Variants in COX11 observed in about 807,000 individuals in gnomAD.
COX11 encodes cytochrome c oxidase copper chaperone COX11.
Under a neutral mutation model 29.4 loss-of-function variants are expected in COX11, and 18 were observed. The observed-to-expected ratio is 0.61, with a 90% confidence interval of 0.42 to 0.91. The LOEUF (loss-of-function observed/expected upper bound fraction) is 0.91, where lower values mean the gene tolerates loss of function less well. Among genes scored for constraint, COX11 ranks in the 40% least tolerant of loss-of-function variants. COX11 has a pLI of 0.00. For synonymous variants in COX11, 131 were observed against 124.0 expected (o/e 1.06, Z -0.38); for missense variants, 312 against 346.0 (o/e 0.90, Z 0.78).
chr17:54,961,523 A>G lies in COX11; in HGVS notation c.*1210T>C, dbSNP rs1383249880. Reference sequence around the variant, plus strand: ...GGCCAACCAATTTAACTGCAGTGTCATGTTTCACAGGCCTTCCTACATTTA... The same window carrying G: ...GGCCAACCAATTTAACTGCAGTGTCGTGTTTCACAGGCCTTCCTACATTTA... On this transcript the variant is annotated 3_prime_UTR_variant, in exon 4 of 4. Transcript: ENST00000299335. 1 of 1,401,830 alleles carries G rather than the reference A, an allele frequency of 7.1e-7. No homozygotes were observed. Among genetic ancestry groups the G allele is most frequent in the Non-Finnish European group, 9.2e-7 (1 of 1,081,496 alleles). 86.8% of individuals were successfully genotyped at this position (1,401,830 alleles called of 1,614,324 possible). A position where few individuals can be genotyped will look rare whatever the true frequency, so the allele number is the denominator to read the frequency against.
chr17:54,964,395 G>A (rs976511331), intron 2 of COX11: 7 of 303,534 alleles, frequency 2.3e-5, no homozygotes, highest in East Asian at 9.5e-5. Flanking sequence ...ATAGCCTGAC[G>A]GTTACTGCTA....
At chr17:54,958,748 A>AAAAAAAAAAAAAAAG (rs372776781), downstream of COX11, among the ~76,000 whole-genome samples, 11 of 118,952 alleles carry the variant, frequency 9.2e-5, no homozygotes, top group Non-Finnish European at 1.0e-4. Flanking sequence ...AAAAAAAAAA[A>AAAAAAAAAAAAAAAG]GGGGTTGTTG....
intron 1 of COX11, among the ~76,000 whole-genome samples, chr17:54,967,941 T>C (rs1369016239): frequency 6.7e-6 from 1 of 149,956 alleles, no homozygotes; most frequent in African/African-American, 2.4e-5. Context: ...TTTAAAAGCG[T>C]GTGTGCGCAG....
chr17:54,964,306 A>G (rs2077182379), intron 2 of COX11, among the ~76,000 whole-genome samples: 1 of 152,210 alleles, frequency 6.6e-6, no homozygotes, highest in Admixed American at 6.5e-5. Flanking sequence ...GATATAAACC[A>G]GTAAACTACT....
Position 54,968,454 on chromosome 17 carries a change from G to A in COX11, c.193C>T (p.His65Tyr). The A allele has an allele frequency of 1.9e-6, 3 of 1,613,510 alleles. No homozygotes were observed. Among genetic ancestry groups the A allele is most frequent in the Non-Finnish European group, 2.5e-6 (3 of 1,180,014 alleles). The change falls in exon 1 of 4, where the codon CAT becomes TAT. Residue 65 changes from histidine to tyrosine, a missense_variant. Around this residue, in one of 2 missense-constraint regions of COX11, gnomAD observed 130 missense variants for 106.0 expected, o/e 1.23. Coordinates refer to ENST00000299335, the MANE Select transcript of COX11 (RefSeq NM_004375.5). ...TWKRCSLRARHPALQPPRRPK... is the reference protein window; with the variant it reads ...TWKRCSLRARYPALQPPRRPK... ...CGCCGCGGCGGCTGCAATGCTGGATGCCGGGCTCGAAGGCTGCAGCGCTTC... is the reference window on the plus strand; with the variant it reads ...CGCCGCGGCGGCTGCAATGCTGGATACCGGGCTCGAAGGCTGCAGCGCTTC...
chr17:54,960,534 A>G lies in COX11; in HGVS notation c.*2199T>C, dbSNP rs1427837262. 2 of 1,587,846 alleles carry G rather than the reference A, an allele frequency of 1.3e-6. No individual in the cohort carries two copies. Among genetic ancestry groups the G allele is most frequent in the South Asian group, 2.2e-5 (2 of 90,516 alleles). On this transcript the variant is annotated 3_prime_UTR_variant, in exon 4 of 4. Coordinates refer to ENST00000299335, the MANE Select transcript of COX11 (RefSeq NM_004375.5). ...CAAAATAGCACTTTGAAATTGATAC[A>G]TAACCCTTTTGCTGTGATGGCTTTG... is the stretch of plus-strand genomic sequence containing the variant.
At chr17:54,968,658 C>G (rs778347072), upstream of COX11, 3 of 1,596,664 alleles carry the variant, frequency 1.9e-6, no homozygotes, top group South Asian at 2.2e-5. Context: ...ACCCTCTGAA[C>G]TAACACCCAC....
In COX11 at chr17:54,960,746, T is replaced by TA. The variant is rs2077100483; in HGVS notation, c.*1986dup. 2 of 726,970 alleles carry TA rather than the reference T, an allele frequency of 2.8e-6. No individual in the cohort carries two copies. Among genetic ancestry groups the TA allele is most frequent in the Non-Finnish European group, 4.8e-6 (2 of 416,502 alleles). 45.0% of individuals were successfully genotyped at this position (726,970 alleles called of 1,614,324 possible). On this transcript the variant is annotated 3_prime_UTR_variant, in exon 4 of 4. Coordinates refer to ENST00000299335, the MANE Select transcript of COX11 (RefSeq NM_004375.5). ...GCCATCTGAGTCTGACACTTTGAAATATGAGTTCCCCTGAATCATTCAAAT... is the reference window on the plus strand; with the variant it reads ...GCCATCTGAGTCTGACACTTTGAAATAATGAGTTCCCCTGAATCATTCAAAT...
intron 1 of COX11, among the ~76,000 whole-genome samples, chr17:54,966,409 G>A (rs1340290644): frequency 1.3e-5 from 2 of 152,140 alleles, no homozygotes; most frequent in African/African-American, 2.4e-5. Context: ...CATTTCACAC[G>A]CAATATTATC....
chr17:54,959,259 A>G (rs2077045357), downstream of COX11: 1 of 152,316 alleles, frequency 6.6e-6, no homozygotes, highest in African/African-American at 2.4e-5. Context: ...TATACTGTAT[A>G]TATGAATGTT....
At chr17:54,958,453 G>A (rs191433266), downstream of COX11, 565 of 152,350 alleles carry the variant, frequency 3.7e-3, 5 homozygotes, top group South Asian at 7.3e-3. Context: ...GTTTGGGGCC[G>A]GGCACGGTGG....
At chr17:54,968,760 T>G, upstream of COX11, 2 of 1,272,618 alleles carry the variant, frequency 1.6e-6, no homozygotes, top group Non-Finnish European at 2.2e-6. Flanking sequence ...GCTACCAGGC[T>G]CCTCAGGTGG....
intron 1 of COX11, among the ~76,000 whole-genome samples, chr17:54,967,042 G>GCGCGCACACACACACACA (rs1310473186): frequency 4.2e-5 from 4 of 96,040 alleles, no homozygotes; most frequent in African/African-American, 1.2e-4. Flanking sequence ...GCGCGCGCGC[G>GCGCGCACACACACACACA]CACACACACA....
downstream of COX11, chr17:54,959,099 TGAA>T (rs1467017250): frequency 2.6e-5 from 4 of 152,012 alleles, no homozygotes; most frequent in African/African-American, 9.7e-5. Flanking sequence ...TTGAGGAGAG[TGAA>T]GAAGACTGAA....
chr17:54,968,407 G>C lies in COX11; in HGVS notation c.240C>G (p.Phe80Leu). 1.2e-6 allele frequency: 2 copies of C among 1,613,466 alleles called. No homozygotes were observed. Among genetic ancestry groups the C allele is most frequent in the Non-Finnish European group, 1.7e-6 (2 of 1,180,004 alleles). The change falls in exon 1 of 4, where the codon TTC becomes TTG. Residue 80 changes from phenylalanine (F) to leucine (L), a missense_variant. Phe to Leu is a conservative substitution (Grantham distance 22, BLOSUM62 0). Around this residue, in one of 2 missense-constraint regions of COX11, gnomAD observed 130 missense variants for 106.0 expected, o/e 1.23. Transcript: ENST00000299335. ...PPRRPKSSNP[F>L]TRAQEEERRR... ...GCCGCTCCTCCTCCTGCGCGCGTGT[G>C]AAAGGGTTCGAGCTCTTAGGCCGCC...
At chr17:54,966,175 A>T (rs2077213412) in intron 1 of COX11, among the ~76,000 whole-genome samples, 1 of 152,228 alleles carries the variant, frequency 6.6e-6, no homozygotes, top group Admixed American at 6.5e-5. Context: ...AAGTCACTTA[A>T]ATAAAAATAC....
rs2077092060 is a variant in COX11, at chr17:54,960,507, A to C, written c.*2226T>G. 7.0e-7 allele frequency: 1 copy of C among 1,421,130 alleles called. No individual in the cohort carries two copies. Among genetic ancestry groups the C allele is most frequent in the Non-Finnish European group, 9.9e-7 (1 of 1,006,596 alleles). The allele number at this position is 1,421,130 out of a possible 1,614,324, so 88.0% of individuals were successfully genotyped here. Reference sequence around the variant, plus strand: ...TTAATTACAGTGCTGGCAGTTAAAAACCAAAATAGCACTTTGAAATTGATA... The same window carrying C: ...TTAATTACAGTGCTGGCAGTTAAAACCCAAAATAGCACTTTGAAATTGATA... On this transcript the variant is annotated 3_prime_UTR_variant, in exon 4 of 4. Coordinates refer to ENST00000299335, the MANE Select transcript of COX11 (RefSeq NM_004375.5).
At chr17:54,963,515 G>T in intron 2 of COX11, 84 bp from the exon 3 acceptor site, 2 of 1,411,660 alleles carry the variant, frequency 1.4e-6, no homozygotes, top group Non-Finnish European at 9.6e-7. Context: ...TCATTATTTT[G>T]CCTATTCATC....
Position 54,960,485 on chromosome 17 carries a change from A to G in COX11, c.*2248T>C. The G allele has an allele frequency of 9.9e-7, 1 of 1,009,032 alleles. No individual in the cohort carries two copies. Among genetic ancestry groups the G allele is most frequent in the Non-Finnish European group, 1.6e-6 (1 of 634,314 alleles). The allele number at this position is 1,009,032 out of a possible 1,614,324, so 62.5% of individuals were successfully genotyped here. A position where few individuals can be genotyped will look rare whatever the true frequency, so the allele number is the denominator to read the frequency against. On this transcript the variant is annotated 3_prime_UTR_variant, in exon 4 of 4. Transcript: ENST00000299335. ...AACTCCAAAACCAGCTCAATTTTTA[A>G]TTACAGTGCTGGCAGTTAAAAACCA...
Sources: allele counts gnomAD v4.1 joint callset (sites outside exome capture counted in the v4.1 genomes callset), GRCh38; gene constraint gnomAD v4.1.1; regional missense constraint gnomAD v4.1.1; transcripts MANE v1.5; gene names NCBI Gene and HGNC (gene_info 2026-07-23, HGNC 2026-07-21).